Variants in DLG2 observed in about 807,000 individuals in gnomAD.
DLG2 encodes discs large MAGUK scaffold protein 2.
Under a neutral mutation model 132.5 loss-of-function variants are expected in DLG2, and 45 were observed. The observed-to-expected ratio is 0.34, with a 90% CI of 0.27 to 0.44. The LOEUF is 0.44. DLG2 is among the 20% of genes least tolerant of loss of function. DLG2 has a pLI of 1.00. For synonymous variants in DLG2, 424 were observed against 419.6 expected (o/e 1.01, Z -0.13); for missense variants, 1,045 against 1,196.9 (o/e 0.87, Z 1.87).
At chr11:83,634,885 T>G (rs1445175654) in intron 18 of DLG2, among the ~76,000 whole-genome samples, 1 of 152,200 alleles carries the variant, frequency 6.6e-6, no homozygotes, top group Admixed American at 6.5e-5. Context: ...TTCTGGTGCA[T>G]AAGCAAAGTC....
At chr11:85,138,981 C>T (rs555854637) in intron 5 of DLG2, among the ~76,000 whole-genome samples, 1 of 152,150 alleles carries the variant, frequency 6.6e-6, no homozygotes, top group South Asian at 2.1e-4. Context: ...GTTGTTTCTT[C>T]TGCCAGAAAC....
chr11:83,677,564 C>CA (rs147545996), intron 18 of DLG2, among the ~76,000 whole-genome samples: 2,048 of 152,066 alleles, frequency 0.013, 21 homozygotes, highest in Middle Eastern at 0.054. Context: ...GGAATACTTC[C>CA]AACAATGCAT....
intron 19 of DLG2, among the ~76,000 whole-genome samples, chr11:83,547,289 AAATGTCCACAC>A (rs1169608041): frequency 6.6e-6 from 1 of 152,134 alleles, no homozygotes; most frequent in Non-Finnish European, 1.5e-5. Context: ...CACTCCCCCA[AAATGTCCACAC>A]TTTAATTCTC....
intron 9 of DLG2, among the ~76,000 whole-genome samples, chr11:84,108,815 A>T (rs1312096984): frequency 1.3e-5 from 2 of 152,158 alleles, no homozygotes; most frequent in East Asian, 1.9e-4. Flanking sequence ...AGTCCAGGTC[A>T]GAAATTGATG....
chr11:83,802,138 C>T (rs529639744), intron 17 of DLG2, among the ~76,000 whole-genome samples: 1 of 151,748 alleles, frequency 6.6e-6, no homozygotes, highest in East Asian at 1.9e-4. Flanking sequence ...ACATGACATG[C>T]ACCATTATGC....
At chr11:83,674,018 G>GT (rs1272743343) in intron 18 of DLG2, among the ~76,000 whole-genome samples, 1 of 151,998 alleles carries the variant, frequency 6.6e-6, no homozygotes, top group Admixed American at 6.5e-5. Context: ...TTAATACTTA[G>GT]TTACACATTG....
intron 3 of DLG2, among the ~76,000 whole-genome samples, chr11:85,519,703 G>A (rs1165214540): frequency 6.6e-6 from 1 of 152,126 alleles, no homozygotes; most frequent in Non-Finnish European, 1.5e-5. Flanking sequence ...AGGGGTCAGG[G>A]GTGGAATAAT....
chr11:84,806,580 C>A (rs753552676), intron 6 of DLG2, among the ~76,000 whole-genome samples: 1 of 152,104 alleles, frequency 6.6e-6, no homozygotes, highest in Non-Finnish European at 1.5e-5. Flanking sequence ...ATACTATACT[C>A]AGTGAAAATA....
rs71465021 is a variant in DLG2 at position 85,125,806 on chromosome 11, T to TACACAC, written c.283-14077_283-14072dup. 2.4e-3 allele frequency among the ~76,000 whole-genome samples: 352 copies of TACACAC among 148,636 alleles called. 1 individual carries two copies. Among genetic ancestry groups the TACACAC allele is most frequent in the Non-Finnish European group, 4.2e-3 (284 of 66,966 alleles). On this transcript the variant is annotated intron_variant, in intron 5 of 27. Coordinates refer to ENST00000376104, the MANE Select transcript of DLG2 (RefSeq NM_001142699.3). Reference sequence around the variant, plus strand: ...AGTACCTTCAATGTCCCAGACATTATACACACACACACACACACACACACA... The same window carrying TACACAC: ...AGTACCTTCAATGTCCCAGACATTATACACACACACACACACACACACACACACACA...
At chr11:85,331,920 T>C (rs1410589298) in intron 3 of DLG2, among the ~76,000 whole-genome samples, 1 of 152,214 alleles carries the variant, frequency 6.6e-6, no homozygotes, top group Non-Finnish European at 1.5e-5. Flanking sequence ...AGTGCTACAA[T>C]AAACATACAA....
chr11:84,364,565 G>A (rs1008291537), intron 7 of DLG2, among the ~76,000 whole-genome samples: 2 of 152,178 alleles, frequency 1.3e-5, no homozygotes, highest in African/African-American at 4.8e-5. Flanking sequence ...GGAGTGGTGA[G>A]AGAGGACATC....
chr11:84,055,406 T>C (rs1052728915), intron 11 of DLG2, among the ~76,000 whole-genome samples: 2 of 152,122 alleles, frequency 1.3e-5, no homozygotes, highest in African/African-American at 2.4e-5. Flanking sequence ...CATGTGTCAC[T>C]CATGCTTAAA....
At chr11:83,906,049 GTCTGTCTCTC>G (rs2154104283) in intron 15 of DLG2, among the ~76,000 whole-genome samples, 1 of 122,830 alleles carries the variant, frequency 8.1e-6, no homozygotes, top group South Asian at 3.1e-4. Flanking sequence ...ATGTCTGTCT[GTCTGTCTCTC>G]TCTCTCTCTC....
At chr11:84,506,883 C>A (rs1443385663) in intron 7 of DLG2, among the ~76,000 whole-genome samples, 1 of 152,182 alleles carries the variant, frequency 6.6e-6, no homozygotes, top group East Asian at 1.9e-4. Context: ...GCTTCCTCAG[C>A]CAGTCTATCT....
chr11:84,251,103 G>T, intron 8 of DLG2, 135 bp downstream of exon 8: 1 of 526,326 alleles, frequency 1.9e-6, no homozygotes, highest in Non-Finnish European at 3.2e-6. Flanking sequence ...ATTATTAAAA[G>T]AAAATTTACA....
intron 17 of DLG2, among the ~76,000 whole-genome samples, chr11:83,823,979 G>A (rs2051688087): frequency 6.6e-6 from 1 of 152,120 alleles, no homozygotes; most frequent in Admixed American, 6.5e-5. Context: ...CGCAGAAAGA[G>A]CATAGCTTTG....
intron 3 of DLG2, among the ~76,000 whole-genome samples, chr11:85,521,379 T>C (rs78599009): frequency 1.3e-5 from 2 of 152,228 alleles, no homozygotes; most frequent in East Asian, 1.9e-4. Context: ...TCTGCCATGA[T>C]TGTAAGTTTC....
intron 3 of DLG2, among the ~76,000 whole-genome samples, chr11:85,535,109 A>G (rs1382295464): frequency 6.6e-6 from 1 of 152,192 alleles, no homozygotes; most frequent in Admixed American, 6.5e-5. Context: ...GCTTTTGAGT[A>G]GAGGTTAGAA....
At chr11:83,902,790 G>C (rs1261090131) in intron 15 of DLG2, among the ~76,000 whole-genome samples, 1 of 152,090 alleles carries the variant, frequency 6.6e-6, no homozygotes, top group African/African-American at 2.4e-5. Context: ...TCCTGCCCCT[G>C]AGGATAAAAA....
Sources: allele counts gnomAD v4.1 joint callset (sites outside exome capture counted in the v4.1 genomes callset), GRCh38; gene constraint gnomAD v4.1.1; transcripts MANE v1.5; gene names NCBI Gene and HGNC (gene_info 2026-07-23, HGNC 2026-07-21).